PDE8B: variants seen among roughly 807,000 people sequenced by gnomAD.
PDE8B encodes the protein high affinity cAMP-specific and IBMX-insensitive 3',5'-cyclic phosphodiesterase 8B.
Under a neutral mutation model 101.3 loss-of-function variants are expected in PDE8B, and 26 were observed. The ratio of observed to expected loss-of-function variants is 0.26; its 90% CI spans 0.19 to 0.36. The LOEUF (loss-of-function observed/expected upper bound fraction) is 0.36. PDE8B is among the 10% of genes least tolerant of loss of function. PDE8B has a pLI of 1.00. For synonymous variants in PDE8B, 424 were observed against 429.3 expected, an observed-to-expected ratio of 0.99 and a Z score of 0.15; for missense variants, 810 against 1,163.1, an observed-to-expected ratio of 0.70 and a Z score of 4.42.
At chr5:77,114,484 G>A in the PDE8B span, 2 of 152,138 alleles carry the variant, frequency 1.3e-5, no homozygotes, top group East Asian at 1.9e-4. Flanking sequence ...ACACAGGGCA[G>A]GGAACATCAC....
the PDE8B span, among the ~76,000 whole-genome samples, chr5:77,182,756 C>CT: frequency 0.023 from 3,215 of 141,324 alleles, 102 homozygotes; most frequent in African/African-American, 0.074. Flanking sequence ...ATAAGCACTG[C>CT]TTTTTTTTTT....
intron 1 of PDE8B, among the ~76,000 whole-genome samples, chr5:77,234,931 C>T (rs1004935975): frequency 1.3e-5 from 2 of 152,128 alleles, no homozygotes; most frequent in Non-Finnish European, 2.9e-5. Context: ...GCAAAGTGCT[C>T]AATGTAATGC....
At chr5:77,397,114 C>T (rs779255000) in intron 10 of PDE8B, among the ~76,000 whole-genome samples, 43 of 138,232 alleles carry the variant, frequency 3.1e-4, no homozygotes, top group Non-Finnish European at 6.2e-4. Context: ...CTCACTGTAA[C>T]CTCTGCCTCC....
chr5:77,250,221 A>G (rs1159962093), intron 1 of PDE8B, among the ~76,000 whole-genome samples: 2 of 152,216 alleles, frequency 1.3e-5, no homozygotes, highest in Non-Finnish European at 2.9e-5. Flanking sequence ...TGTGAGGTAG[A>G]GAGTATCATT....
intron 1 of PDE8B, among the ~76,000 whole-genome samples, chr5:77,289,592 C>G (rs1766814770): frequency 6.6e-6 from 1 of 152,200 alleles, no homozygotes; most frequent in Non-Finnish European, 1.5e-5. Flanking sequence ...CCCATTGTGA[C>G]CTCTCACTTA....
the PDE8B span, among the ~76,000 whole-genome samples, chr5:77,170,020 C>A: frequency 7.4e-4 from 112 of 152,272 alleles, no homozygotes; most frequent in South Asian, 0.018. Flanking sequence ...CTATCCTGCA[C>A]CTGCAAGCAA....
chr5:77,091,206 A>G, the PDE8B span, among the ~76,000 whole-genome samples: 1 of 152,238 alleles, frequency 6.6e-6, no homozygotes, highest in Non-Finnish European at 1.5e-5. Context: ...AATACAAAGA[A>G]ATGATAAATG....
At chr5:77,378,198 T>A (rs1277335169) in intron 10 of PDE8B, among the ~76,000 whole-genome samples, 1 of 152,086 alleles carries the variant, frequency 6.6e-6, no homozygotes, top group African/African-American at 2.4e-5. Context: ...CGGCGGCTCA[T>A]GCCTGTAATC....
chr5:77,240,416 G>C (rs2149540554), intron 1 of PDE8B, among the ~76,000 whole-genome samples: 1 of 151,998 alleles, frequency 6.6e-6, no homozygotes, highest in South Asian at 2.1e-4. Flanking sequence ...GCCTCCCAAA[G>C]TGCTGGGATT....
intron 1 of PDE8B, among the ~76,000 whole-genome samples, chr5:77,296,474 G>T (rs1273839670): frequency 6.6e-6 from 1 of 151,950 alleles, no homozygotes; most frequent in African/African-American, 2.4e-5. Context: ...TGTTACCTAG[G>T]CTGGTCTTGA....
intron 1 of PDE8B, among the ~76,000 whole-genome samples, chr5:77,243,704 T>A (rs1320581371): frequency 6.6e-6 from 1 of 152,228 alleles, no homozygotes; most frequent in East Asian, 1.9e-4. Context: ...CTAAGTGGTG[T>A]TCTACTATAT....
At chr5:77,415,539 A>G (rs1191143655) in intron 17 of PDE8B, among the ~76,000 whole-genome samples, 2 of 151,866 alleles carry the variant, frequency 1.3e-5, no homozygotes, top group African/African-American at 4.8e-5. Context: ...TTGTATGTTT[A>G]GTAGAGATGG....
At chr5:77,174,449 G>A in the PDE8B span, among the ~76,000 whole-genome samples, 8,747 of 151,958 alleles carry the variant, frequency 0.058, 262 homozygotes, top group African/African-American at 0.081. Flanking sequence ...CTCTTTCTGG[G>A]TTATTATTGT....
chr5:77,391,095 T>G (rs1369836137), intron 10 of PDE8B, among the ~76,000 whole-genome samples: 1 of 152,224 alleles, frequency 6.6e-6, no homozygotes, highest in Non-Finnish European at 1.5e-5. Context: ...ATTCTCCCAA[T>G]GAGCTCAACT....
intron 10 of PDE8B, among the ~76,000 whole-genome samples, chr5:77,391,383 A>C (rs1365664371): frequency 6.6e-6 from 1 of 152,192 alleles, no homozygotes; most frequent in African/African-American, 2.4e-5. Flanking sequence ...ATGCTGCTGC[A>C]GCCAGGAAGA....
the PDE8B span, among the ~76,000 whole-genome samples, chr5:77,150,880 A>G: frequency 6.6e-6 from 1 of 152,210 alleles, no homozygotes; most frequent in Non-Finnish European, 1.5e-5. Flanking sequence ...CAAAGCTAAC[A>G]GGTATTGGAA....
At chr5:77,174,292 A>G in the PDE8B span, among the ~76,000 whole-genome samples, 1 of 151,956 alleles carries the variant, frequency 6.6e-6, no homozygotes, top group Admixed American at 6.6e-5. Flanking sequence ...TTTTTATGGG[A>G]GGTACCAGCA....
the PDE8B span, among the ~76,000 whole-genome samples, chr5:77,160,449 C>T: frequency 2.0e-5 from 3 of 152,182 alleles, no homozygotes; most frequent in East Asian, 3.9e-4. Context: ...AAAAAATCCA[C>T]GTGTAAGTGG....
chr5:77,151,018 G>A, the PDE8B span, among the ~76,000 whole-genome samples: 27 of 152,334 alleles, frequency 1.8e-4, no homozygotes, highest in African/African-American at 6.3e-4. Context: ...TTATATGAAT[G>A]CAGTGTGTGG....
Sources: allele counts gnomAD v4.1 joint callset (sites outside exome capture counted in the v4.1 genomes callset), GRCh38; gene constraint gnomAD v4.1.1; transcripts MANE v1.5; gene names NCBI Gene and HGNC (gene_info 2026-07-23, HGNC 2026-07-21).